The following LDLRAD3 variants were observed in gnomAD, a reference collection of about 807,000 sequenced individuals.
The protein encoded by LDLRAD3 is low-density lipoprotein receptor class A domain-containing protein 3.
A neutral mutation model predicts 29.4 loss-of-function variants in LDLRAD3; 20 were observed. That is an observed-to-expected ratio of 0.68 (90% CI 0.48 to 0.99). LDLRAD3 has a LOEUF of 0.99. LDLRAD3 is among the 50% of genes least tolerant of loss of function. The pLI is 0.00. For missense variants in LDLRAD3, 420 were observed against 454.3 expected, an observed-to-expected ratio of 0.92 and a Z score of 0.69; for synonymous variants, 157 against 192.7, an observed-to-expected ratio of 0.81 and a Z score of 1.53.
chr11:35,994,456 C>T (rs1482087452), intron 1 of LDLRAD3, among the ~76,000 whole-genome samples: 1 of 149,330 alleles, frequency 6.7e-6, no homozygotes, highest in Non-Finnish European at 1.5e-5. Context: ...TACTTTATTG[C>T]TAGAAAGTGC....
chr11:36,169,235 T>G (rs1262203581), intron 4 of LDLRAD3, among the ~76,000 whole-genome samples: 1 of 152,208 alleles, frequency 6.6e-6, no homozygotes, highest in Non-Finnish European at 1.5e-5. Flanking sequence ...TGCATAATGA[T>G]CAAACCAGGG....
At chr11:35,973,816 G>A (rs755676986) in intron 1 of LDLRAD3, among the ~76,000 whole-genome samples, 52 of 152,070 alleles carry the variant, frequency 3.4e-4, no homozygotes, top group Non-Finnish European at 6.0e-4. Flanking sequence ...CTCTAGAGAG[G>A]CTGCACCAGT....
chr11:36,078,330 T>A (rs1853050372), intron 2 of LDLRAD3, among the ~76,000 whole-genome samples: 1 of 152,182 alleles, frequency 6.6e-6, no homozygotes, highest in South Asian at 2.1e-4. Context: ...GGTGCCCAGG[T>A]TTGTACCAAC....
In LDLRAD3 at chr11:36,079,525, A is replaced by G. The variant is rs544998232; in HGVS notation, c.194-2128A>G. ...AGTAGATATCACCTCCAATTTACTG[A>G]TAAGTGCTGTGGATACAACTGGTTG... On this transcript the variant is annotated intron_variant, in intron 2 of 5. Coordinates refer to ENST00000315571, the MANE Select transcript of LDLRAD3 (RefSeq NM_174902.4). 2.0e-5 allele frequency among the ~76,000 whole-genome samples: 3 copies of G among 152,330 alleles called. No individual in the cohort carries two copies. In the South Asian group the frequency reaches 6.2e-4, roughly 32 times the overall value.
intron 2 of LDLRAD3, among the ~76,000 whole-genome samples, chr11:36,044,159 C>T (rs1016496300): frequency 1.3e-5 from 2 of 151,914 alleles, no homozygotes; most frequent in South Asian, 2.1e-4. Flanking sequence ...GTGCAGCCCC[C>T]GGGCTTACCA....
At chr11:36,193,471 C>T (rs988036106) in intron 4 of LDLRAD3, among the ~76,000 whole-genome samples, 2 of 152,122 alleles carry the variant, frequency 1.3e-5, no homozygotes, top group Admixed American at 6.5e-5. Flanking sequence ...GAGCCCACTG[C>T]GGTTAGAAGA....
chr11:36,113,142 T>C (rs939193730), intron 4 of LDLRAD3, among the ~76,000 whole-genome samples: 8 of 152,314 alleles, frequency 5.3e-5, no homozygotes. Flanking sequence ...CTTTCTCACA[T>C]TAGGTTCTTA....
chr11:35,988,997 C>G (rs1851653817), intron 1 of LDLRAD3: 1 of 152,034 alleles, frequency 6.6e-6, no homozygotes, highest in African/African-American at 2.4e-5. Context: ...TTCTGGGAGT[C>G]TTATAGTTTG....
chr11:36,045,896 A>G (rs957811192), intron 2 of LDLRAD3, among the ~76,000 whole-genome samples: 8 of 152,100 alleles, frequency 5.3e-5, no homozygotes, highest in South Asian at 4.1e-4. Context: ...TGCTGCACCC[A>G]TCAACCTGTC....
chr11:36,195,107 C>G (rs1267124616), intron 4 of LDLRAD3, among the ~76,000 whole-genome samples: 1 of 152,126 alleles, frequency 6.6e-6, no homozygotes, highest in Non-Finnish European at 1.5e-5. Flanking sequence ...GTTGGTAATC[C>G]ATATAGAACA....
intron 2 of LDLRAD3, among the ~76,000 whole-genome samples, chr11:36,057,187 C>T (rs540501784): frequency 1.3e-5 from 2 of 152,180 alleles, no homozygotes; most frequent in Non-Finnish European, 2.9e-5. Flanking sequence ...GTCCCAGGAA[C>T]CACACTATGA....
intron 2 of LDLRAD3, among the ~76,000 whole-genome samples, chr11:36,065,585 G>C (rs889261173): frequency 6.6e-6 from 1 of 152,148 alleles, no homozygotes; most frequent in Non-Finnish European, 1.5e-5. Flanking sequence ...GTGCACTAAC[G>C]TACTATTTTC....
chr11:36,129,598 T>C (rs1470347067), intron 4 of LDLRAD3, among the ~76,000 whole-genome samples: 1 of 152,202 alleles, frequency 6.6e-6, no homozygotes, highest in East Asian at 1.9e-4. Context: ...GCCACAGGCA[T>C]GACTTAGGTT....
intron 2 of LDLRAD3, among the ~76,000 whole-genome samples, chr11:36,070,397 T>G (rs1360619711): frequency 1.3e-5 from 2 of 152,156 alleles, no homozygotes; most frequent in South Asian, 2.1e-4. Flanking sequence ...TGCACACAAA[T>G]GGGGAAGAAG....
chr11:36,060,353 CAAAAAAAAAAA>C (rs60557347), intron 2 of LDLRAD3, among the ~76,000 whole-genome samples: 1 of 73,554 alleles, frequency 1.4e-5, no homozygotes, highest in Non-Finnish European at 2.8e-5. Context: ...GACTCTGTCT[CAAAAAAAAAAA>C]AAAAAAAAAA....
chr11:36,108,319 C>CAAAAAAAAAAAAA (rs60376519), intron 4 of LDLRAD3, among the ~76,000 whole-genome samples: 12 of 48,980 alleles, frequency 2.4e-4, no homozygotes, highest in Non-Finnish European at 3.1e-4. Context: ...GACTCCATCT[C>CAAAAAAAAAAAAA]AAAAAAAAAA....
chr11:36,129,103 AG>A (rs1853887369), intron 4 of LDLRAD3, among the ~76,000 whole-genome samples: 1 of 152,190 alleles, frequency 6.6e-6, no homozygotes, highest in Non-Finnish European at 1.5e-5. Flanking sequence ...TGAGGGAACC[AG>A]CCCCTGCCTC....
chr11:36,037,588 C>A (rs764187971), intron 2 of LDLRAD3, among the ~76,000 whole-genome samples: 6 of 152,192 alleles, frequency 3.9e-5, no homozygotes, highest in Non-Finnish European at 8.8e-5. Context: ...GCTGGGATTA[C>A]AGGCATGAGC....
In LDLRAD3 at chr11:36,227,347, C is replaced by G. The variant is rs1476219646; in HGVS notation, c.717C>G (p.Ile239Met). The G allele has an allele frequency of 6.2e-6, 10 of 1,614,008 alleles. No homozygotes were observed. Among genetic ancestry groups the G allele is most frequent in the Non-Finnish European group, 7.6e-6 (9 of 1,180,014 alleles). Residue 239 changes from isoleucine to methionine, a missense_variant, in exon 5 of 6, where the codon ATC becomes ATG. This residue lies in a region of LDLRAD3 where 140 missense variants were observed against 139.9 expected (regional missense o/e 1.00). Transcript: ENST00000315571. ...CNVTYNVNNGIQYVASQAEQN... is the reference protein window; with the variant it reads ...CNVTYNVNNGMQYVASQAEQN... Reference sequence around the variant, plus strand: ...TCACCTACAACGTCAATAATGGCATCCAGTATGTGGCCAGCCAGGCGGAGC... The same window carrying G: ...TCACCTACAACGTCAATAATGGCATGCAGTATGTGGCCAGCCAGGCGGAGC...
Sources: gnomAD v4.1 joint callset for allele counts (sites outside exome capture counted in the v4.1 genomes callset) on GRCh38, gnomAD v4.1.1 for gene constraint, gnomAD v4.1.1 regional missense constraint, MANE v1.5 for transcripts, NCBI Gene and HGNC (gene_info 2026-07-23, HGNC 2026-07-21) for gene names.